Variants in ITPK1 observed in about 807,000 individuals in gnomAD.
ITPK1 encodes the protein inositol 1,3,4-trisphosphate 5/6-kinase.
A neutral mutation model predicts 45.3 loss-of-function variants in ITPK1; 21 were observed. The ratio of observed to expected loss-of-function variants is 0.46; its 90% CI spans 0.33 to 0.67. ITPK1 has a LOEUF of 0.67. ITPK1 is among the 30% of genes least tolerant of loss of function. The pLI is 0.02. For missense variants in ITPK1, 474 were observed against 573.5 expected, an observed-to-expected ratio of 0.83 and a Z score of 1.77; for synonymous variants, 258 against 253.6, an observed-to-expected ratio of 1.02 and a Z score of -0.16.
intron 4 of ITPK1, among the ~76,000 whole-genome samples, chr14:93,011,263 G>A (rs1887891304): frequency 6.6e-6 from 1 of 152,186 alleles, no homozygotes; most frequent in Admixed American, 6.5e-5. Flanking sequence ...TGACCACGTG[G>A]TGCAAGCCCA....
chr14:93,074,521 A>G (rs1891139532), intron 3 of ITPK1, among the ~76,000 whole-genome samples: 1 of 152,228 alleles, frequency 6.6e-6, no homozygotes, highest in Non-Finnish European at 1.5e-5. Context: ...GCATGGGGGA[A>G]GGCTGTCTTG....
chr14:92,999,921 G>A (rs1887253060), intron 4 of ITPK1, among the ~76,000 whole-genome samples: 1 of 152,176 alleles, frequency 6.6e-6, no homozygotes, highest in South Asian at 2.1e-4. Flanking sequence ...CCAAGTCCCA[G>A]CCTCTGGCAA....
Position 93,007,252 on chromosome 14 carries a change from G to C in ITPK1, c.246+9424C>G, listed in dbSNP as rs561751752. On this transcript the variant is annotated intron_variant, in intron 4 of 10. Transcript: ENST00000267615. Reference sequence around the variant, plus strand: ...CATTCCCACGCACCTGCTCAGGTGGGCCTATGCAGCTGCCCCTCCCCTGTA... The same window carrying C: ...CATTCCCACGCACCTGCTCAGGTGGCCCTATGCAGCTGCCCCTCCCCTGTA... 6.6e-5 allele frequency among the ~76,000 whole-genome samples: 10 copies of C among 152,284 alleles called. No individual in the cohort carries two copies. In the South Asian group the frequency reaches 2.1e-3, roughly 32 times the overall value.
intron 2 of ITPK1, among the ~76,000 whole-genome samples, chr14:93,097,879 G>A (rs990833859): frequency 6.6e-6 from 1 of 152,062 alleles, no homozygotes; most frequent in Non-Finnish European, 1.5e-5. Flanking sequence ...CATGGTGGCA[G>A]GTGCCTGTAA....
chr14:92,941,565 T>G lies in ITPK1; in HGVS notation c.1241A>C (p.Gln414Pro), dbSNP rs1026691841. Residue 414 changes from glutamine (Q) to proline (P), a missense_variant, in exon 11 of 11, where the codon CAG (glutamine) becomes CCG (proline). By Grantham distance (76) the Gln-to-Pro change is moderately conservative (BLOSUM62 -1). Transcript: ENST00000267615. ...VASLATKASS[Q>P] is the part of the protein sequence containing the mutation. The stretch of plus-strand genomic sequence containing the variant: ...CTCTGGGTCCCGGCTCCGTGGCTAC[T>G]GGGAGGAGGCCTTGGTGGCCAGGGA... 2.6e-6 allele frequency: 4 copies of G among 1,533,102 alleles called. No individual in the cohort carries two copies. The African/African-American group carries it at 5.6e-5, about 21-fold the overall frequency. The allele number at this position is 1,533,102 out of a possible 1,614,324, so 95.0% of individuals were successfully genotyped here.
At chr14:93,046,546 AC>A (rs1889779484) in intron 3 of ITPK1, among the ~76,000 whole-genome samples, 2 of 139,106 alleles carry the variant, frequency 1.4e-5, no homozygotes, top group South Asian at 4.8e-4. Flanking sequence ...GGGCTTCAAG[AC>A]CTTCAGAAAA....
At chr14:93,028,695 G>C (rs1193513830) in intron 3 of ITPK1, among the ~76,000 whole-genome samples, 1 of 152,208 alleles carries the variant, frequency 6.6e-6, no homozygotes, top group Non-Finnish European at 1.5e-5. Context: ...GCGGATGTCA[G>C]CTCTCAGACC....
Position 92,958,380 on chromosome 14 carries a change from G to A in ITPK1, c.505-14C>T, listed in dbSNP as rs755341768. Reference sequence around the variant, plus strand: ...CACGATAGCCATCTGGGAAGACAAGGGGTCAAAAGCTCTGTCAGAATCCAC... The same window carrying A: ...CACGATAGCCATCTGGGAAGACAAGAGGTCAAAAGCTCTGTCAGAATCCAC... On this transcript the variant is annotated splice_polypyrimidine_tract_variant and intron_variant, in intron 7 of 10. Transcript: ENST00000267615. The surrounding 1 kb of genome is among the most constrained non-coding windows in gnomAD (Gnocchi z 4.4). 6.2e-7 allele frequency: 1 copy of A among 1,613,736 alleles called. No individual in the cohort carries two copies. The highest frequency in any genetic ancestry group is 8.5e-7 in the Non-Finnish European group (1 of 1,179,864).
At chr14:93,021,711 T>C (rs529584852) in intron 3 of ITPK1, among the ~76,000 whole-genome samples, 2 of 149,578 alleles carry the variant, frequency 1.3e-5, no homozygotes, top group Non-Finnish European at 3.0e-5. Context: ...GGAGATGGAG[T>C]CTTTTCCCTG....
intron 4 of ITPK1, among the ~76,000 whole-genome samples, chr14:93,004,743 G>A (rs1774233512): frequency 6.6e-6 from 1 of 152,060 alleles, no homozygotes; most frequent in Admixed American, 6.6e-5. Context: ...GGAGAGGCGT[G>A]GGGCTGACCA....
rs371972247 is a variant in ITPK1 at position 92,994,038 on chromosome 14, G to C, written c.247-41C>G. On this transcript the variant is annotated intron_variant, in intron 4 of 10. Transcript: ENST00000267615. ...GCTGCTCTGGTTAGAGCAGGGGTAG[G>C]GCCAGGTAGCAACTCACCCCTCGCG... 14 of 1,361,318 alleles carry C rather than the reference G, an allele frequency of 1.0e-5. No individual in the cohort carries two copies. In the African/African-American group the frequency reaches 1.6e-4, roughly 15 times the overall value. The allele number at this position is 1,361,318 out of a possible 1,614,324, so 84.3% of individuals were successfully genotyped here.
chr14:93,018,349 G>T (rs1369085907), intron 3 of ITPK1, among the ~76,000 whole-genome samples: 3 of 152,070 alleles, frequency 2.0e-5, no homozygotes, highest in Admixed American at 6.5e-5. Flanking sequence ...AGCTCTCAGG[G>T]CTTGTTAGCA....
At chr14:93,055,094 T>C (rs1176586138) in intron 3 of ITPK1, among the ~76,000 whole-genome samples, 4 of 152,196 alleles carry the variant, frequency 2.6e-5, no homozygotes, top group Non-Finnish European at 5.9e-5. Flanking sequence ...GCACCTGGCA[T>C]CTTTGGCCAC....
In ITPK1 at chr14:92,940,454, G is replaced by A. The variant is rs147846131; in HGVS notation, c.*1107C>T. 1,310 of 1,116,908 alleles carry A rather than the reference G, an allele frequency of 1.2e-3. 2 individuals carry two copies. Among genetic ancestry groups the A allele is most frequent in the East Asian group, 1.7e-3 (21 of 12,390 alleles). 69.2% of individuals were successfully genotyped at this position (1,116,908 alleles called of 1,614,324 possible). A position where few individuals can be genotyped will look rare whatever the true frequency, so the allele number is the denominator to read the frequency against. ...GAGGTGTGCAGAAGCGATGGGGGGC[G>A]GGTGGCTCCCTGGCACCTGCTGGCT... On this transcript the variant is annotated 3_prime_UTR_variant, in exon 11 of 11. Transcript: ENST00000267615.
intron 4 of ITPK1, among the ~76,000 whole-genome samples, chr14:93,004,492 G>A (rs114247879): frequency 1.0e-3 from 157 of 152,318 alleles, no homozygotes; most frequent in African/African-American, 3.6e-3. Flanking sequence ...CAGACAGTAC[G>A]AGAGCAGAAA....
intron 4 of ITPK1, among the ~76,000 whole-genome samples, chr14:93,011,944 G>A (rs1389051910): frequency 8.0e-6 from 1 of 124,648 alleles, no homozygotes; most frequent in African/African-American, 3.0e-5. Flanking sequence ...CTCAAGCTCC[G>A]GCCTTGCTGC....
intron 3 of ITPK1, among the ~76,000 whole-genome samples, chr14:93,031,759 TG>T (rs1169718893): frequency 1.3e-5 from 2 of 152,204 alleles, no homozygotes; most frequent in Non-Finnish European, 2.9e-5. Context: ...GCTTCCGGCC[TG>T]GGATGTTTAT....
chr14:92,965,816 C>A (rs1056697155), intron 5 of ITPK1, among the ~76,000 whole-genome samples: 1 of 152,128 alleles, frequency 6.6e-6, no homozygotes, highest in African/African-American at 2.4e-5. Context: ...CCAGCCTGAT[C>A]AACATGGAGA....
chr14:92,960,513 C>T (rs968625893), intron 7 of ITPK1, among the ~76,000 whole-genome samples: 2 of 152,332 alleles, frequency 1.3e-5, no homozygotes, highest in Admixed American at 6.5e-5. Context: ...TTGCCAAAGT[C>T]GCACAAATGG....
Sources: gnomAD v4.1 joint callset for allele counts (sites outside exome capture counted in the v4.1 genomes callset) on GRCh38, gnomAD v4.1.1 for gene constraint, Gnocchi (gnomAD v3.1) non-coding constraint, MANE v1.5 for transcripts, NCBI Gene and HGNC (gene_info 2026-07-23, HGNC 2026-07-21) for gene names.